The following INSR variants were observed in gnomAD, a reference collection of about 807,000 sequenced individuals.
INSR encodes insulin receptor.
A neutral mutation model predicts 142.6 loss-of-function variants in INSR; 67 were observed. That is an observed-to-expected ratio of 0.47 (90% CI 0.39 to 0.58). INSR has a LOEUF of 0.58. INSR is among the 20% of genes least tolerant of loss of function. The pLI is 0.00. For synonymous variants in INSR, 756 were observed against 743.1 expected (o/e 1.02, Z -0.28); for missense variants, 1,248 against 1,833.2 (o/e 0.68, Z 5.83).
intron 2 of INSR, among the ~76,000 whole-genome samples, chr19:7,212,045 C>T (rs1365910997): frequency 6.6e-6 from 1 of 152,118 alleles, no homozygotes; most frequent in African/African-American, 2.4e-5. Context: ...GTCGGATCTT[C>T]ATCTGGGGAG....
At chr19:7,293,404 G>C (rs920103209) in intron 1 of INSR, among the ~76,000 whole-genome samples, 5 of 152,310 alleles carry the variant, frequency 3.3e-5, no homozygotes, top group African/African-American at 1.2e-4. Flanking sequence ...TTGGCTGTTC[G>C]GGGCTGTCCA....
chr19:7,125,955 A>G lies in INSR; in HGVS notation c.3014-428T>C, dbSNP rs772970197. Among the ~76,000 whole-genome samples the G allele has an allele frequency of 1.3e-5, 2 of 152,154 alleles. No homozygotes were observed. The highest frequency in any genetic ancestry group is 1.5e-5 in the Non-Finnish European group (1 of 68,022). On this transcript the variant is annotated intron_variant, in intron 16 of 21. Transcript: ENST00000302850. This position sits in a 1 kb window ranked among gnomAD's most constrained non-coding sequence, Gnocchi z 4.9. ...CTCTTCCCATGAAAAGGTGGAGTCT[A>G]TCTCACCACCCCTTGGCCCTGGGCA...
chr19:7,268,261 G>A (rs1397021487), intron 1 of INSR, among the ~76,000 whole-genome samples: 1 of 151,842 alleles, frequency 6.6e-6, no homozygotes, highest in Non-Finnish European at 1.5e-5. Flanking sequence ...AAGATCTTCA[G>A]GAGATAATTT....
chr19:7,120,861 G>T, intron 19 of INSR, 112 bp from the exon 20 acceptor site: 1 of 1,375,164 alleles, frequency 7.3e-7, no homozygotes, highest in Non-Finnish European at 1.0e-6. Context: ...CCTGGCCCAC[G>T]TCTGCGCTCA....
chr19:7,226,568 A>G (rs1229034956), intron 2 of INSR, among the ~76,000 whole-genome samples: 1 of 151,882 alleles, frequency 6.6e-6, no homozygotes, highest in African/African-American at 2.4e-5. Context: ...TCTACAAAAA[A>G]TATATAAAAA....
chr19:7,202,040 C>T (rs1284911567), intron 2 of INSR, among the ~76,000 whole-genome samples: 1 of 152,190 alleles, frequency 6.6e-6, no homozygotes, highest in Admixed American at 6.5e-5. Context: ...ATTCCTCCCT[C>T]TAAAACAGCA....
chr19:7,185,353 CTTTA>C (rs1193806862), intron 2 of INSR, among the ~76,000 whole-genome samples: 1 of 152,140 alleles, frequency 6.6e-6, no homozygotes, highest in East Asian at 1.9e-4. Context: ...CTGTTAGCTC[CTTTA>C]TTTTTTTGTT....
At chr19:7,228,529 G>A (rs1280910331) in intron 2 of INSR, among the ~76,000 whole-genome samples, 3 of 152,098 alleles carry the variant, frequency 2.0e-5, no homozygotes, top group African/African-American at 4.8e-5. Context: ...ATTCAGCTGC[G>A]TCACTGAACA....
At chr19:7,148,477 C>CTTTT (rs71177160) in intron 11 of INSR, among the ~76,000 whole-genome samples, 39,721 of 94,502 alleles carry the variant, frequency 0.42, 11,799 homozygotes, top group Non-Finnish European at 0.5. Flanking sequence ...TGTATTTATT[C>CTTTT]TTTTTTTTTT....
chr19:7,151,477 G>C (rs1374652446), intron 10 of INSR, among the ~76,000 whole-genome samples: 1 of 150,134 alleles, frequency 6.7e-6, no homozygotes, highest in Non-Finnish European at 1.5e-5. Flanking sequence ...AGTAGAGATA[G>C]GGTCTCACTC....
intron 2 of INSR, among the ~76,000 whole-genome samples, chr19:7,215,646 C>A (rs891319475): frequency 3.3e-5 from 5 of 151,964 alleles, no homozygotes; most frequent in Admixed American, 2.6e-4. Flanking sequence ...TGGCTCACTG[C>A]AACCTTCGCC....
chr19:7,151,325 G>GA lies in INSR; in HGVS notation c.2232-794dup, dbSNP rs752802596. On this transcript the variant is annotated intron_variant, in intron 10 of 21. Transcript: ENST00000302850. ...GGGTCTTGCTCTGTTGCCCAGGCTGGAGTGCAATGGTGCCATCATAGCTCA... is the reference window on the plus strand; with the variant it reads ...GGGTCTTGCTCTGTTGCCCAGGCTGGAAGTGCAATGGTGCCATCATAGCTCA... 2.2e-4 allele frequency among the ~76,000 whole-genome samples: 33 copies of GA among 150,840 alleles called. 1 individual carries two copies. In the Middle Eastern group the frequency reaches 0.017, roughly 78 times the overall value.
rs922386445 is a variant in INSR, at chr19:7,154,473, G to T, written c.2030-1546C>A. ...GGCCGCTGCCACGCCCGGCTAATTT[G>T]TTGTATTTTTAGTAGAGATGGGGTT... On this transcript the variant is annotated intron_variant, in intron 9 of 21. Transcript: ENST00000302850. 3.5e-4 allele frequency among the ~76,000 whole-genome samples: 52 copies of T among 149,624 alleles called. 1 individual carries two copies. The highest frequency in any genetic ancestry group is 5.5e-4 in the Non-Finnish European group (37 of 67,370).
chr19:7,199,209 A>G (rs192688057), intron 2 of INSR, among the ~76,000 whole-genome samples: 20 of 152,162 alleles, frequency 1.3e-4, no homozygotes, highest in African/African-American at 4.6e-4. Context: ...ACACGGTCCA[A>G]TCCATCAATG....
chr19:7,293,304 G>A (rs771989054), intron 1 of INSR, among the ~76,000 whole-genome samples: 1 of 152,204 alleles, frequency 6.6e-6, no homozygotes, highest in South Asian at 2.1e-4. Flanking sequence ...GTAGAGGGGG[G>A]CTCTGCAGTC....
intron 2 of INSR, among the ~76,000 whole-genome samples, chr19:7,236,143 G>A (rs760952611): frequency 7.0e-6 from 1 of 143,534 alleles, no homozygotes; most frequent in Non-Finnish European, 1.5e-5. Flanking sequence ...TGTATTTTGA[G>A]TAGAGACGGG....
chr19:7,160,995 CAAA>C (rs371302865), intron 9 of INSR, among the ~76,000 whole-genome samples: 4 of 101,776 alleles, frequency 3.9e-5, no homozygotes, highest in African/African-American at 7.1e-5. Flanking sequence ...GACTCCGTGT[CAAA>C]AAAAAAAAAA....
chr19:7,225,364 G>C lies in INSR; in HGVS notation c.653-40727C>G, dbSNP rs1028886194. 1.3e-5 allele frequency among the ~76,000 whole-genome samples: 2 copies of C among 152,080 alleles called. No homozygotes were observed. The highest frequency in any genetic ancestry group is 4.8e-5 in the African/African-American group (2 of 41,398). On this transcript the variant is annotated intron_variant, in intron 2 of 21. Coordinates refer to ENST00000302850, the MANE Select transcript of INSR (RefSeq NM_000208.4). This position sits in a 1 kb window ranked among gnomAD's most constrained non-coding sequence, Gnocchi z 4.7. The stretch of plus-strand genomic sequence containing the variant: ...GACACTTTCTCCAGATCAGCTTAGG[G>C]GTGCTTGAGTGCCTGACCCGCCACC...
chr19:7,249,775 GA>G (rs1976650229), intron 2 of INSR, among the ~76,000 whole-genome samples: 3 of 152,064 alleles, frequency 2.0e-5, no homozygotes, highest in Non-Finnish European at 4.4e-5. Context: ...GGTGGATCAC[GA>G]GGTCAGGAGA....
Sources: gnomAD v4.1 joint callset for allele counts (sites outside exome capture counted in the v4.1 genomes callset) on GRCh38, gnomAD v4.1.1 for gene constraint, Gnocchi (gnomAD v3.1) non-coding constraint, MANE v1.5 for transcripts, NCBI Gene and HGNC (gene_info 2026-07-23, HGNC 2026-07-21) for gene names.